Variants in NIPBL observed in about 807,000 individuals in gnomAD.
NIPBL encodes NIPBL cohesin loading factor, also known as nipped-B-like protein.
A neutral mutation model predicts 321.8 loss-of-function variants in NIPBL; 19 were observed. The observed-to-expected ratio is 0.06, with a 90% CI of 0.04 to 0.09. The LOEUF is 0.09. Ranked by LOEUF, NIPBL falls within the 10% of genes least tolerant of loss-of-function variation. NIPBL has a pLI of 1.00. For missense variants in NIPBL, 2,210 were observed against 3,327.0 expected (o/e 0.66, Z 8.26); for synonymous variants, 1,106 against 1,114.1 (o/e 0.99, Z 0.14).
At chr5:36,908,464 C>T (rs1235917673) in intron 1 of NIPBL, among the ~76,000 whole-genome samples, 2 of 152,020 alleles carry the variant, frequency 1.3e-5, no homozygotes, top group African/African-American at 2.4e-5. Flanking sequence ...TTTTAACTTT[C>T]CTAGTACTAA....
intron 1 of NIPBL, among the ~76,000 whole-genome samples, chr5:36,928,831 A>T (rs1749557881): frequency 6.6e-6 from 1 of 152,186 alleles, no homozygotes; most frequent in Non-Finnish European, 1.5e-5. Flanking sequence ...TTATGACATA[A>T]CGTATCAGTA....
chr5:36,971,016 G>A lies in NIPBL; in HGVS notation c.751G>A (p.Val251Met), dbSNP rs1402021305. ...HGSSEDYLHM[V>M]HRLSSDDGDS... ...TTCAAGTGAGGACTACCTACACATGGTGCACAGGCTAAGTAGTGACGTATG... is the reference window on the plus strand; with the variant it reads ...TTCAAGTGAGGACTACCTACACATGATGCACAGGCTAAGTAGTGACGTATG... Residue 251 changes from valine to methionine, a missense_variant, in exon 7 of 47, where the codon GTG (valine) becomes ATG (methionine). Transcript: ENST00000282516. 6.2e-7 allele frequency: 1 copy of A among 1,613,180 alleles called. No homozygotes were observed. The highest frequency in any genetic ancestry group is 1.7e-5 in the Admixed American group (1 of 59,998).
intron 24 of NIPBL, among the ~76,000 whole-genome samples, chr5:37,018,100 C>T (rs1023452151): frequency 3.3e-5 from 5 of 152,064 alleles, no homozygotes. Context: ...AAGTACATTT[C>T]TAACAAAAGT....
At position 37,022,232 on chromosome 5, in the gene NIPBL, A is replaced by G; in HGVS notation, c.5428-12A>G. 1 of 1,613,750 alleles carries G rather than the reference A, an allele frequency of 6.2e-7. No homozygotes were observed. The highest frequency in any genetic ancestry group is 8.5e-7 in the Non-Finnish European group (1 of 1,179,888). ...AGGTATAAATTGTTTTTTTCTCTTC[A>G]TTTTTCTTTAGCTTGATATGCAACG... On this transcript the variant is annotated splice_polypyrimidine_tract_variant and intron_variant, in intron 28 of 46. Transcript: ENST00000282516.
At chr5:37,039,629 C>A (rs1752109621) in intron 34 of NIPBL, among the ~76,000 whole-genome samples, 1 of 152,032 alleles carries the variant, frequency 6.6e-6, no homozygotes, top group African/African-American at 2.4e-5. Context: ...ACTCTAAAAA[C>A]TTAACAAATA....
intron 1 of NIPBL, among the ~76,000 whole-genome samples, chr5:36,903,498 C>G (rs974923982): frequency 1.1e-4 from 16 of 152,134 alleles, no homozygotes; most frequent in African/African-American, 3.4e-4. Context: ...TCTACTTCCT[C>G]TAGCCTGGGA....
At chr5:36,955,419 A>G in intron 2 of NIPBL, 53 bp from the exon 3 acceptor site, 2 of 1,439,722 alleles carry the variant, frequency 1.4e-6, no homozygotes, top group Non-Finnish European at 2.0e-6. Context: ...ATAAGCACTA[A>G]AGAGACTTCT....
At chr5:36,943,675 A>T (rs914479203) in intron 1 of NIPBL, among the ~76,000 whole-genome samples, 1 of 152,164 alleles carries the variant, frequency 6.6e-6, no homozygotes, top group East Asian at 1.9e-4. Context: ...AGAGATACAA[A>T]TTTGGGAGCC....
chr5:37,051,016 G>C (rs1190568775), intron 40 of NIPBL: 1 of 152,158 alleles, frequency 6.6e-6, no homozygotes, highest in African/African-American at 2.4e-5. Context: ...TTGTAGAGAC[G>C]GGGTTTTACC....
intron 1 of NIPBL, among the ~76,000 whole-genome samples, chr5:36,946,578 G>GTGTATGTGTATA (rs1554009092): frequency 6.6e-6 from 1 of 151,054 alleles, no homozygotes; most frequent in African/African-American, 2.4e-5. Flanking sequence ...ATGTGTCTGT[G>GTGTATGTGTATA]TGTGTGTATA....
At chr5:36,942,299 GT>G (rs2149584708) in intron 1 of NIPBL, among the ~76,000 whole-genome samples, 1 of 151,668 alleles carries the variant, frequency 6.6e-6, no homozygotes, top group African/African-American at 2.4e-5. Context: ...AGGTGGGGTG[GT>G]GAATGCCTGT....
At chr5:37,063,021 A>C (rs930826959) in intron 45 of NIPBL, among the ~76,000 whole-genome samples, 2 of 152,076 alleles carry the variant, frequency 1.3e-5, no homozygotes, top group African/African-American at 4.8e-5. Flanking sequence ...AAATTAGAGG[A>C]CTATCCTAAA....
At chr5:36,918,468 A>G (rs1412325630) in intron 1 of NIPBL, among the ~76,000 whole-genome samples, 2 of 152,154 alleles carry the variant, frequency 1.3e-5, no homozygotes, top group African/African-American at 4.8e-5. Flanking sequence ...TGTCATCTGC[A>G]AACAGGGACA....
chr5:36,970,759 A>G, intron 6 of NIPBL, 117 bp from the exon 7 acceptor site: 1 of 870,478 alleles, frequency 1.1e-6, no homozygotes, highest in Admixed American at 2.0e-5. Flanking sequence ...GTACATGAGT[A>G]TCTGTTATAT....
chr5:36,995,886 T>C, intron 11 of NIPBL, 82 bp downstream of exon 11: 8 of 1,268,742 alleles, frequency 6.3e-6, no homozygotes, highest in Admixed American at 3.8e-5. Flanking sequence ...ATTTGGGGGT[T>C]TAGCAAAAGC....
intron 32 of NIPBL, among the ~76,000 whole-genome samples, chr5:37,029,272 C>T (rs1210660583): frequency 6.6e-6 from 1 of 152,178 alleles, no homozygotes; most frequent in Non-Finnish European, 1.5e-5. Flanking sequence ...AACTATTGAT[C>T]TACTTTTTCT....
At chr5:36,981,892 A>G (rs536982258) in intron 9 of NIPBL, among the ~76,000 whole-genome samples, 2 of 151,912 alleles carry the variant, frequency 1.3e-5, no homozygotes, top group East Asian at 3.9e-4. Flanking sequence ...GAATAGGACA[A>G]TTAGCCACTC....
At chr5:37,040,656 TAAAC>T (rs1167881017) in intron 34 of NIPBL, among the ~76,000 whole-genome samples, 1 of 152,252 alleles carries the variant, frequency 6.6e-6, no homozygotes, top group Non-Finnish European at 1.5e-5. Flanking sequence ...AATTTTTAAA[TAAAC>T]ATTCCAATTT....
intron 34 of NIPBL, among the ~76,000 whole-genome samples, chr5:37,040,116 G>T (rs981410141): frequency 6.6e-6 from 1 of 152,074 alleles, no homozygotes; most frequent in Non-Finnish European, 1.5e-5. Context: ...CCCCATGTCT[G>T]CCAGTAGAGT....
Sources: gnomAD v4.1 joint callset for allele counts (sites outside exome capture counted in the v4.1 genomes callset) on GRCh38, gnomAD v4.1.1 for gene constraint, MANE v1.5 for transcripts, NCBI Gene and HGNC (gene_info 2026-07-23, HGNC 2026-07-21) for gene names.